Variants in CLCN5 observed in about 807,000 individuals in gnomAD.
CLCN5 encodes the protein Cl-/H+ antiporter 5.
CLCN5 carries 17 observed loss-of-function variants against 54.0 expected under a neutral mutation model. The observed-to-expected ratio is 0.31, with a 90% confidence interval of 0.22 to 0.47. The LOEUF (loss-of-function observed/expected upper bound fraction) is 0.47, where lower values mean the gene tolerates loss of function less well. Ranked by LOEUF, CLCN5 falls within the 20% of genes least tolerant of loss-of-function variation. The pLI is 1.00. For missense variants in CLCN5, 448 were observed against 646.7 expected, an observed-to-expected ratio of 0.69 and a Z score of 3.33; for synonymous variants, 222 against 233.0, an observed-to-expected ratio of 0.95 and a Z score of 0.43.
intron 3 of CLCN5, among the ~76,000 whole-genome samples, chrX:49,973,480 C>CATTAGGT (rs111383861): frequency 0.026 from 2,767 of 108,308 alleles, 140 homozygotes; most frequent in African/African-American, 0.092. Flanking sequence ...CGTCATTTAG[C>CATTAGGT]ATATCTCCTA....
At chrX:49,998,991 C>A (rs1362837355) in intron 3 of CLCN5, among the ~76,000 whole-genome samples, 1 of 109,363 alleles carries the variant, frequency 9.1e-6, no homozygotes, top group South Asian at 4.1e-4. Flanking sequence ...TCTAGTGCCA[C>A]CCCCCCGCCA....
chrX:50,072,495 A>G lies in CLCN5; in HGVS notation c.322A>G (p.Asn108Asp). Residue 108 changes from asparagine to aspartate, a missense_variant, in exon 6 of 15, where the codon AAT (asparagine) becomes GAT (aspartate). Asn to Asp is a conservative substitution (Grantham distance 23). Around this residue, in one of 5 missense-constraint regions of CLCN5, gnomAD observed 41 missense variants for 71.3 expected, o/e 0.58. Coordinates refer to ENST00000376091, the MANE Select transcript of CLCN5 (RefSeq NM_001127898.4). ...RDRDRHREIT[N>D]KSKESTWALI... is the part of the protein sequence containing the mutation. ...TTTTCTCATTTTCCCCTAGATTACC[A>G]ATAAAAGCAAAGAGTCAACATGGGC... 8.4e-7 allele frequency: 1 copy of G among 1,196,966 alleles called. No individual in the cohort carries two copies.
rs782619245 is a variant in CLCN5 at position 49,957,742 on chromosome X, C to A, written c.16+32428C>A. On this transcript the variant is annotated intron_variant, in intron 3 of 14. Coordinates refer to ENST00000376091, the MANE Select transcript of CLCN5 (RefSeq NM_001127898.4). Reference sequence around the variant, plus strand: ...GATCTTCTGTGAGGCTGACATTGATCCATTAATTGGTATTCTTTAAAAACT... The same window carrying A: ...GATCTTCTGTGAGGCTGACATTGATACATTAATTGGTATTCTTTAAAAACT... Among the ~76,000 whole-genome samples, 4 of 112,064 alleles carry A rather than the reference C, an allele frequency of 3.6e-5. No homozygotes were observed. In the East Asian group the frequency reaches 1.1e-3, roughly 31 times the overall value.
chrX:50,013,995 G>A (rs1930656168), intron 3 of CLCN5, among the ~76,000 whole-genome samples: 1 of 112,112 alleles, frequency 8.9e-6, no homozygotes, highest in Non-Finnish European at 1.9e-5. Context: ...CTGTCTAGCA[G>A]GCTCATGGAG....
chrX:49,988,320 G>A (rs782169713), intron 3 of CLCN5, among the ~76,000 whole-genome samples: 4 of 111,676 alleles, frequency 3.6e-5, no homozygotes, highest in African/African-American at 1.3e-4. Flanking sequence ...TTTAGTTCCT[G>A]AGAGATTGTT....
At chrX:49,929,422 T>C (rs1389386430) in intron 3 of CLCN5, among the ~76,000 whole-genome samples, 7 of 112,048 alleles carry the variant, frequency 6.2e-5, no homozygotes, top group Non-Finnish European at 1.1e-4. Context: ...TCCATTAACA[T>C]TTATTGAACA....
At chrX:49,956,909 T>G (rs1003175659) in intron 3 of CLCN5, among the ~76,000 whole-genome samples, 3 of 111,793 alleles carry the variant, frequency 2.7e-5, no homozygotes, top group Non-Finnish European at 5.6e-5. Flanking sequence ...CCATTAAAAT[T>G]TGGCCCTCAG....
rs1934286496 is a variant in CLCN5 at position 50,097,120 on chromosome X, G to A, written c.*4901G>A. The A allele has an allele frequency of 1.8e-5, 2 of 112,291 alleles. No individual in the cohort carries two copies. The highest frequency in any genetic ancestry group is 6.5e-5 in the African/African-American group (2 of 30,883). The allele number at this position is 112,291 out of a possible 1,213,427, so 9.3% of individuals were successfully genotyped here. On this transcript the variant is annotated 3_prime_UTR_variant, in exon 15 of 15. Coordinates refer to ENST00000376091, the MANE Select transcript of CLCN5 (RefSeq NM_001127898.4). ...GTCAATTTGAAGTTCAATCAGTGTA[G>A]TTGTCCTGGGGTGATCGCTGACTCT...
chrX:49,991,081 G>A (rs1018730788), intron 3 of CLCN5, among the ~76,000 whole-genome samples: 2 of 112,255 alleles, frequency 1.8e-5, no homozygotes, highest in Non-Finnish European at 3.8e-5. Context: ...TCAGTAGTGG[G>A]ATTGCTGGAT....
chrX:50,035,243 G>T (rs997089758), intron 3 of CLCN5, among the ~76,000 whole-genome samples: 14 of 111,517 alleles, frequency 1.3e-4, no homozygotes, highest in African/African-American at 4.6e-4. Context: ...TTCCCAACTA[G>T]ATCATAAATT....
intron 4 of CLCN5, among the ~76,000 whole-genome samples, chrX:50,059,327 T>G (rs1200383845): frequency 8.9e-6 from 1 of 112,149 alleles, no homozygotes; most frequent in African/African-American, 3.2e-5. Flanking sequence ...TCCACACTTG[T>G]GTCAGTTAAC....
intron 4 of CLCN5, 61 bp from the exon 5 acceptor site, chrX:50,069,818 G>T (rs1933161462): frequency 8.9e-7 from 1 of 1,124,808 alleles, no homozygotes; most frequent in Admixed American, 3.0e-5. Flanking sequence ...GAACCAAAAA[G>T]AATGTATTAA....
At chrX:50,030,913 T>G in intron 3 of CLCN5, among the ~76,000 whole-genome samples, 1 of 111,996 alleles carries the variant, frequency 8.9e-6, no homozygotes, top group Non-Finnish European at 1.9e-5. Context: ...TAAAGTTTTA[T>G]TTAGGAGTTT....
intron 7 of CLCN5, among the ~76,000 whole-genome samples, chrX:50,076,327 T>C (rs1057310955): frequency 1.8e-4 from 20 of 112,450 alleles, no homozygotes; most frequent in African/African-American, 6.5e-4. Flanking sequence ...TAATTTCTAA[T>C]GAAGGACAGA....
At chrX:50,057,966 A>G (rs1932792263) in intron 4 of CLCN5, among the ~76,000 whole-genome samples, 1 of 111,152 alleles carries the variant, frequency 9.0e-6, no homozygotes, top group South Asian at 3.8e-4. Flanking sequence ...TATGGAAGTA[A>G]GAAGTGGCAT....
At chrX:50,028,408 G>C (rs1479463719) in intron 3 of CLCN5, among the ~76,000 whole-genome samples, 1 of 111,900 alleles carries the variant, frequency 8.9e-6, no homozygotes, top group African/African-American at 3.2e-5. Context: ...TTCAAAGTGT[G>C]AGGTCCCCCT....
At chrX:49,943,056 TC>T (rs1926471040) in intron 3 of CLCN5, among the ~76,000 whole-genome samples, 1 of 104,216 alleles carries the variant, frequency 9.6e-6, no homozygotes, top group African/African-American at 3.5e-5. Flanking sequence ...CCACATCCTC[TC>T]CAGCACCTGT....
chrX:50,064,587 C>A (rs1410291844), intron 4 of CLCN5, among the ~76,000 whole-genome samples: 227 of 97,897 alleles, frequency 2.3e-3, no homozygotes, highest in African/African-American at 8.2e-3. Context: ...CATACTGCCC[C>A]AGGTAATTTA....
chrX:49,976,289 G>T (rs782413450), intron 3 of CLCN5, among the ~76,000 whole-genome samples: 1 of 112,426 alleles, frequency 8.9e-6, no homozygotes, highest in African/African-American at 3.2e-5. Flanking sequence ...TAAAGTTTGA[G>T]AACTGCTCCT....
Sources: allele counts gnomAD v4.1 joint callset (sites outside exome capture counted in the v4.1 genomes callset), GRCh38; gene constraint gnomAD v4.1.1; regional missense constraint gnomAD v4.1.1; transcripts MANE v1.5; gene names NCBI Gene and HGNC (gene_info 2026-07-23, HGNC 2026-07-21).